Variants in ZPBP observed in about 807,000 individuals in gnomAD.
ZPBP encodes the protein zona pellucida-binding protein 1.
A neutral mutation model predicts 44.8 loss-of-function variants in ZPBP; 26 were observed. That is an observed-to-expected ratio of 0.58 (90% CI 0.43 to 0.81). ZPBP has a LOEUF of 0.81. Among genes scored for constraint, ZPBP ranks in the 30% least tolerant of loss-of-function variants. The pLI is 0.00. For synonymous variants in ZPBP, 174 were observed against 153.2 expected, an observed-to-expected ratio of 1.14 and a Z score of -1.00; for missense variants, 409 against 434.0, an observed-to-expected ratio of 0.94 and a Z score of 0.51.
At chr7:49,907,181 G>A (rs1334959508) in intron 1 of ZPBP, among the ~76,000 whole-genome samples, 1 of 152,138 alleles carries the variant, frequency 6.6e-6, no homozygotes, top group East Asian at 1.9e-4. Context: ...GAAATAATTT[G>A]CTTATTCTTA....
chr7:50,071,003 G>C (rs762673459), intron 3 of ZPBP, among the ~76,000 whole-genome samples: 36 of 152,172 alleles, frequency 2.4e-4, no homozygotes, highest in Non-Finnish European at 4.4e-4. Flanking sequence ...TTTTCTCAGG[G>C]GGAACTGGGT....
At chr7:50,090,489 GTGTA>G (rs1353968962) in intron 1 of ZPBP, among the ~76,000 whole-genome samples, 2,347 of 123,636 alleles carry the variant, frequency 0.019, 71 homozygotes, top group African/African-American at 0.066. Flanking sequence ...GTGTGTGTGT[GTGTA>G]TATGAGTGTA....
At chr7:49,864,818 G>A (rs1421272963) in intron 2 of ZPBP, among the ~76,000 whole-genome samples, 1 of 152,210 alleles carries the variant, frequency 6.6e-6, no homozygotes, top group Non-Finnish European at 1.5e-5. Flanking sequence ...GGAGGGTGAA[G>A]CAAGGACAAT....
intron 7 of ZPBP, chr7:49,943,397 A>G (rs760202017): frequency 5.1e-6 from 2 of 393,470 alleles, no homozygotes; most frequent in Non-Finnish European, 9.7e-6. Context: ...GTATTTCCAG[A>G]TATTTCATCT....
At chr7:50,072,229 G>T (rs1801874557) in intron 3 of ZPBP, among the ~76,000 whole-genome samples, 1 of 152,218 alleles carries the variant, frequency 6.6e-6, no homozygotes, top group East Asian at 1.9e-4. Context: ...CACTGGCCTG[G>T]GGGTGGTGGT....
intron 5 of ZPBP, among the ~76,000 whole-genome samples, chr7:50,022,791 C>T (rs957356910): frequency 6.6e-6 from 1 of 152,006 alleles, no homozygotes; most frequent in African/African-American, 2.4e-5. Flanking sequence ...AGAATCACAA[C>T]TTACCAGGAG....
chr7:49,883,692 G>T (rs2128727981), intron 2 of ZPBP, among the ~76,000 whole-genome samples: 1 of 152,250 alleles, frequency 6.6e-6, no homozygotes, highest in Admixed American at 6.5e-5. Context: ...TCCGATAGCT[G>T]CACTTCCTCA....
intron 2 of ZPBP, among the ~76,000 whole-genome samples, chr7:49,891,489 A>C (rs368162943): frequency 2.0e-5 from 3 of 152,346 alleles, no homozygotes; most frequent in African/African-American, 7.2e-5. Context: ...GAAAATAATG[A>C]CAAGATACTT....
chr7:49,888,312 G>T (rs573419900), intron 2 of ZPBP, among the ~76,000 whole-genome samples: 2 of 151,930 alleles, frequency 1.3e-5, no homozygotes, highest in African/African-American at 4.8e-5. Flanking sequence ...GGTATTTGTC[G>T]ATTTTGTTAA....
At chr7:50,071,358 C>T (rs12718237) in intron 3 of ZPBP, among the ~76,000 whole-genome samples, 42,003 of 152,110 alleles carry the variant, frequency 0.28, 6,663 homozygotes, top group Non-Finnish European at 0.37. Flanking sequence ...GCAATATGAA[C>T]TTGAGTGCCT....
At chr7:50,015,854 G>T (rs552720805) in intron 6 of ZPBP, among the ~76,000 whole-genome samples, 70 of 151,982 alleles carry the variant, frequency 4.6e-4, no homozygotes, top group African/African-American at 1.6e-3. Flanking sequence ...AATCAAAACC[G>T]CAATGAGATA....
At chr7:49,852,270 G>T (rs1276122028) in intron 2 of ZPBP, among the ~76,000 whole-genome samples, 1 of 152,198 alleles carries the variant, frequency 6.6e-6, no homozygotes, top group Non-Finnish European at 1.5e-5. Context: ...AGCATCAGGG[G>T]GTCATGGTGG....
intron 7 of ZPBP, among the ~76,000 whole-genome samples, chr7:49,962,844 G>A (rs986947439): frequency 1.1e-4 from 16 of 151,786 alleles, no homozygotes; most frequent in African/African-American, 2.9e-4. Context: ...TTGGATCTAA[G>A]CAAAGATTTC....
At chr7:49,960,563 T>G (rs920516801) in intron 7 of ZPBP, among the ~76,000 whole-genome samples, 22 of 151,982 alleles carry the variant, frequency 1.4e-4, no homozygotes, top group African/African-American at 4.8e-4. Flanking sequence ...AAAACAAAAA[T>G]GCAGGCCACA....
At chr7:49,869,422 A>G (rs1016466146) in intron 2 of ZPBP, among the ~76,000 whole-genome samples, 1 of 152,250 alleles carries the variant, frequency 6.6e-6, no homozygotes, top group African/African-American at 2.4e-5. Context: ...CAACGATTTT[A>G]ACAAATCAAA....
At chr7:49,853,869 C>T (rs192114516) in intron 2 of ZPBP, among the ~76,000 whole-genome samples, 2 of 128,554 alleles carry the variant, frequency 1.6e-5, no homozygotes, top group South Asian at 3.1e-4. Flanking sequence ...CCCCCCTCCC[C>T]CCACCCCACA....
chr7:49,897,892 T>C (rs903229391), intron 2 of ZPBP, among the ~76,000 whole-genome samples: 8 of 152,160 alleles, frequency 5.3e-5, no homozygotes, highest in Non-Finnish European at 8.8e-5. Flanking sequence ...ACAGTGAATA[T>C]TAGAGAAAAA....
intron 4 of ZPBP, among the ~76,000 whole-genome samples, chr7:50,041,297 C>A (rs1800084201): frequency 6.6e-6 from 1 of 152,232 alleles, no homozygotes; most frequent in Admixed American, 6.5e-5. Context: ...CAGCACAGAG[C>A]TCAAGCTCTG....
chr7:49,976,983 T>A (rs1269939776), intron 7 of ZPBP, among the ~76,000 whole-genome samples: 1 of 151,610 alleles, frequency 6.6e-6, no homozygotes, highest in Non-Finnish European at 1.5e-5. Context: ...GCGCCTGTAG[T>A]CCCAGCTGCT....
Sources: gnomAD v4.1 joint callset for allele counts (sites outside exome capture counted in the v4.1 genomes callset) on GRCh38, gnomAD v4.1.1 for gene constraint, MANE v1.5 for transcripts, NCBI Gene and HGNC (gene_info 2026-07-23, HGNC 2026-07-21) for gene names.